The following DCHS2 variants were observed in gnomAD, a reference collection of about 807,000 sequenced individuals.
DCHS2 encodes the protein protocadherin-23.
Under a neutral mutation model 182.4 loss-of-function variants are expected in DCHS2, and 142 were observed. That is an observed-to-expected ratio of 0.78 (90% CI 0.68 to 0.89). The LOEUF (loss-of-function observed/expected upper bound fraction) is 0.89, where lower values mean the gene tolerates loss of function less well. Ranked by LOEUF, DCHS2 falls within the 40% of genes least tolerant of loss-of-function variation. The pLI, the probability that DCHS2 is intolerant of heterozygous loss-of-function variation, is 0.00. For missense variants in DCHS2, 4,319 were observed against 4,198.6 expected, an observed-to-expected ratio of 1.03 and a Z score of -0.79; for synonymous variants, 1,740 against 1,663.3, an observed-to-expected ratio of 1.05 and a Z score of -1.12.
At chr4:154,385,570 C>T (rs1413214291) in intron 1 of DCHS2, among the ~76,000 whole-genome samples, 1 of 152,124 alleles carries the variant, frequency 6.6e-6, no homozygotes, top group East Asian at 1.9e-4. Context: ...TCACTGCAAC[C>T]TCCGCCTCCT....
chr4:154,390,111 A>C (rs4696560), intron 1 of DCHS2, among the ~76,000 whole-genome samples: 45,108 of 148,134 alleles, frequency 0.3, 7,860 homozygotes, highest in Middle Eastern at 0.42. Flanking sequence ...AAATTTTTTT[A>C]TTTTTTTTCT....
Position 154,236,520 on chromosome 4 carries a change from C to G in DCHS2, c.8132G>C (p.Gly2711Ala). Residue 2711 changes from glycine (G) to alanine (A), a missense_variant, in exon 20 of 20, where the codon GGA (glycine) becomes GCA (alanine). Coordinates refer to ENST00000357232, the MANE Select transcript of DCHS2 (RefSeq NM_001358235.2). The part of the protein sequence containing the change: ...IYNIISGNEK[G>A]HFYLEENTGV... ...AGTGTTTTCTTCTAAGTAAAAATGTCCCTTCTCATTTCCAGAGATGATGTT... is the reference window on the plus strand; with the variant it reads ...AGTGTTTTCTTCTAAGTAAAAATGTGCCTTCTCATTTCCAGAGATGATGTT... The G allele has an allele frequency of 6.2e-7, 1 of 1,613,950 alleles. No individual in the cohort carries two copies. Among genetic ancestry groups the G allele is most frequent in the Non-Finnish European group, 8.5e-7 (1 of 1,179,954 alleles).
intron 3 of DCHS2, chr4:154,343,351 T>C: frequency 2.0e-6 from 2 of 1,005,452 alleles, no homozygotes; most frequent in Non-Finnish European, 1.3e-6. Flanking sequence ...CCTGCCCTTT[T>C]AAGTTCTGAA....
At chr4:154,443,772 G>A (rs1734134994) in intron 1 of DCHS2, among the ~76,000 whole-genome samples, 1 of 152,118 alleles carries the variant, frequency 6.6e-6, no homozygotes, top group African/African-American at 2.4e-5. Flanking sequence ...AGACCACACA[G>A]TTCTCCAGCT....
intron 3 of DCHS2, among the ~76,000 whole-genome samples, chr4:154,363,482 T>A (rs1286998743): frequency 6.6e-6 from 1 of 152,134 alleles, no homozygotes; most frequent in Non-Finnish European, 1.5e-5. Flanking sequence ...TACTGCATGG[T>A]CTCACTTTTA....
At chr4:154,352,064 CACACACATACAT>C (rs1223219192) in intron 3 of DCHS2, among the ~76,000 whole-genome samples, 10 of 152,292 alleles carry the variant, frequency 6.6e-5, no homozygotes, top group African/African-American at 1.7e-4. Flanking sequence ...TGCACACACA[CACACACATACAT>C]ACACACACAG....
intron 1 of DCHS2, among the ~76,000 whole-genome samples, chr4:154,459,637 A>T (rs1407109283): frequency 6.6e-6 from 1 of 151,840 alleles, no homozygotes; most frequent in Non-Finnish European, 1.5e-5. Context: ...TTCTAGTTAG[A>T]TTTACATAAT....
At chr4:154,256,049 T>G (rs1370288256) in intron 15 of DCHS2, among the ~76,000 whole-genome samples, 1 of 152,226 alleles carries the variant, frequency 6.6e-6, no homozygotes, top group African/African-American at 2.4e-5. Flanking sequence ...AATCTCCACA[T>G]AGTGATAATT....
rs28611777 is a variant in DCHS2 at position 154,380,628 on chromosome 4, C to G, written c.2053-3184G>C. 6.1e-3 allele frequency among the ~76,000 whole-genome samples: 936 copies of G among 152,206 alleles called. 8 individuals are homozygous for G. The highest frequency in any genetic ancestry group is 0.022 in the African/African-American group (904 of 41,540). On this transcript the variant is annotated intron_variant, in intron 1 of 19. Coordinates refer to ENST00000357232, the MANE Select transcript of DCHS2 (RefSeq NM_001358235.2). ...TTACTTCCACTTTCAAGACCTTTTT[C>G]TCATCTGGACTTTTGGCAAAGCAAA...
chr4:154,289,926 A>G (rs1168665310), intron 13 of DCHS2, among the ~76,000 whole-genome samples: 2 of 151,976 alleles, frequency 1.3e-5, no homozygotes, highest in Non-Finnish European at 2.9e-5. Flanking sequence ...TAGAAGAAAC[A>G]TACCTCAGCA....
intron 1 of DCHS2, among the ~76,000 whole-genome samples, chr4:154,398,715 T>G (rs559231803): frequency 6.6e-6 from 1 of 152,324 alleles, no homozygotes; most frequent in African/African-American, 2.4e-5. Flanking sequence ...AAGTAGGACC[T>G]TCTCCCCCAA....
intron 1 of DCHS2, among the ~76,000 whole-genome samples, chr4:154,486,961 G>T (rs1179576129): frequency 6.6e-6 from 1 of 152,168 alleles, no homozygotes; most frequent in South Asian, 2.1e-4. Flanking sequence ...TGTAAGCCAA[G>T]CTGAGCTCAC....
chr4:154,434,359 T>C (rs529330317), intron 1 of DCHS2, among the ~76,000 whole-genome samples: 1 of 152,280 alleles, frequency 6.6e-6, no homozygotes. Context: ...GAGGTGGATA[T>C]TGCAGTGAGG....
intron 7 of DCHS2, among the ~76,000 whole-genome samples, chr4:154,325,686 A>T (rs1736252854): frequency 6.6e-6 from 1 of 152,202 alleles, no homozygotes; most frequent in African/African-American, 2.4e-5. Context: ...GATCTGCTGC[A>T]GGCTCACTAC....
intron 1 of DCHS2, among the ~76,000 whole-genome samples, chr4:154,483,589 A>G (rs1265731468): frequency 6.6e-6 from 1 of 152,200 alleles, no homozygotes; most frequent in Non-Finnish European, 1.5e-5. Context: ...CAGATGGTCC[A>G]TAGGAAACAG....
chr4:154,240,998 G>A (rs1731799338), intron 17 of DCHS2, among the ~76,000 whole-genome samples, 175 bp from the exon 18 acceptor site: 1 of 152,128 alleles, frequency 6.6e-6, no homozygotes, highest in South Asian at 2.1e-4. Flanking sequence ...AAGAATTTAT[G>A]AGACCAATAA....
chr4:154,470,757 C>T (rs1044818122), intron 1 of DCHS2, among the ~76,000 whole-genome samples: 3 of 152,118 alleles, frequency 2.0e-5, no homozygotes, highest in Admixed American at 2.0e-4. Context: ...TTATGTTTGT[C>T]AAACCATCTT....
At chr4:154,257,457 C>A (rs988402794) in intron 15 of DCHS2, among the ~76,000 whole-genome samples, 1 of 152,282 alleles carries the variant, frequency 6.6e-6, no homozygotes, top group East Asian at 1.9e-4. Flanking sequence ...TGTAATTTGT[C>A]TCTGTCTTGG....
chr4:154,364,518 T>A (rs1443415281), intron 3 of DCHS2, among the ~76,000 whole-genome samples: 1 of 152,234 alleles, frequency 6.6e-6, no homozygotes, highest in Admixed American at 6.5e-5. Context: ...CCCGCAAAAG[T>A]ATTTTCTTCT....
Sources: gnomAD v4.1 joint callset for allele counts (sites outside exome capture counted in the v4.1 genomes callset) on GRCh38, gnomAD v4.1.1 for gene constraint, MANE v1.5 for transcripts, NCBI Gene and HGNC (gene_info 2026-07-23, HGNC 2026-07-21) for gene names.